KPNA3: variants seen among roughly 807,000 people sequenced by gnomAD.
The protein encoded by KPNA3 is karyopherin subunit alpha 3, also known as importin subunit alpha-4.
In KPNA3, 13 loss-of-function variants were observed where a neutral mutation model predicts 73.8. The ratio of observed to expected loss-of-function variants is 0.18; its 90% CI spans 0.11 to 0.28. The LOEUF (loss-of-function observed/expected upper bound fraction) is 0.28. Ranked by LOEUF, KPNA3 falls within the 10% of genes least tolerant of loss-of-function variation. The pLI is 1.00. For missense variants in KPNA3, 360 were observed against 618.1 expected (o/e 0.58, Z 4.43); for synonymous variants, 186 against 206.9 (o/e 0.90, Z 0.87).
At chr13:49,712,591 A>G (rs1490115778) in intron 10 of KPNA3, among the ~76,000 whole-genome samples, 1 of 152,116 alleles carries the variant, frequency 6.6e-6, no homozygotes, top group African/African-American at 2.4e-5. Flanking sequence ...CCTACAAGGA[A>G]AGGCGGAGCT....
intron 16 of KPNA3, 95 bp from the exon 17 acceptor site, chr13:49,701,993 ATGT>A: frequency 1.3e-6 from 1 of 744,458 alleles, no homozygotes; most frequent in Non-Finnish European, 2.3e-6. Context: ...AAATAATTCT[ATGT>A]GAATGCTTTA....
chr13:49,763,415 A>G (rs1954784470), intron 1 of KPNA3, among the ~76,000 whole-genome samples: 2 of 152,166 alleles, frequency 1.3e-5, no homozygotes, highest in Admixed American at 6.5e-5. Context: ...AAGAAACATA[A>G]AGGATACAAT....
Position 49,732,594 on chromosome 13 carries a change from T to C in KPNA3, c.287+11A>G. The C allele has an allele frequency of 1.9e-6, 3 of 1,598,666 alleles. No homozygotes were observed. Among genetic ancestry groups the C allele is most frequent in the Non-Finnish European group, 2.6e-6 (3 of 1,167,400 alleles). ...TGACATAATTCTCTCTCTAGACAAA[T>C]TAGTATTTACCTTGCTGCCTGGACA... On this transcript the variant is annotated intron_variant, in intron 5 of 16. Transcript: ENST00000261667.
chr13:49,777,029 A>G (rs143065341), intron 1 of KPNA3, among the ~76,000 whole-genome samples: 1 of 152,278 alleles, frequency 6.6e-6, no homozygotes, highest in African/African-American at 2.4e-5. Flanking sequence ...CTGTAGCCCA[A>G]TACTTAGCCA....
At chr13:49,790,555 C>A (rs150152977) in intron 1 of KPNA3, among the ~76,000 whole-genome samples, 1 of 152,354 alleles carries the variant, frequency 6.6e-6, no homozygotes, top group Non-Finnish European at 1.5e-5. Flanking sequence ...AAGCTCGTAA[C>A]AGTGTCTGCC....
intron 2 of KPNA3, among the ~76,000 whole-genome samples, chr13:49,742,236 T>C: frequency 6.6e-6 from 1 of 152,242 alleles, no homozygotes; most frequent in Non-Finnish European, 1.5e-5. Context: ...AATAAATTCT[T>C]GCGTGTCAGA....
At chr13:49,731,837 A>G (rs1361383856) in intron 6 of KPNA3, among the ~76,000 whole-genome samples, 1 of 152,202 alleles carries the variant, frequency 6.6e-6, no homozygotes, top group Non-Finnish European at 1.5e-5. Flanking sequence ...TCTCCTGGGT[A>G]AATATAACCT....
At chr13:49,770,665 T>C (rs536787017) in intron 1 of KPNA3, among the ~76,000 whole-genome samples, 1 of 152,244 alleles carries the variant, frequency 6.6e-6, no homozygotes, top group East Asian at 1.9e-4. Context: ...AGTTTTTACA[T>C]GTATATCTTT....
chr13:49,722,830 T>TAAAA (rs10693298), intron 7 of KPNA3, among the ~76,000 whole-genome samples: 345 of 79,458 alleles, frequency 4.3e-3, no homozygotes, highest in Non-Finnish European at 5.6e-3. Flanking sequence ...TATAATCCAT[T>TAAAA]AAAAAAAAAA....
At chr13:49,730,699 ATGCTGGTG>A (rs1954458099) in intron 6 of KPNA3, among the ~76,000 whole-genome samples, 1 of 150,222 alleles carries the variant, frequency 6.7e-6, no homozygotes, top group Non-Finnish European at 1.5e-5. Flanking sequence ...TACATGTGCC[ATGCTGGTG>A]TGCTGCACCC....
At chr13:49,788,910 C>T (rs181676811) in intron 1 of KPNA3, among the ~76,000 whole-genome samples, 9 of 152,122 alleles carry the variant, frequency 5.9e-5, no homozygotes, top group Non-Finnish European at 1.3e-4. Context: ...ACCTTTACTC[C>T]CTTTCTCTTC....
At chr13:49,709,840 T>A in intron 11 of KPNA3, 140 bp from the exon 12 acceptor site, 2 of 586,082 alleles carry the variant, frequency 3.4e-6, no homozygotes, top group South Asian at 5.5e-5. Flanking sequence ...CCAAGCAGTC[T>A]GAGAGCTATT....
intron 2 of KPNA3, among the ~76,000 whole-genome samples, chr13:49,746,079 A>G (rs1192726486): frequency 1.3e-5 from 2 of 151,876 alleles, no homozygotes; most frequent in African/African-American, 4.8e-5. Flanking sequence ...AAAAAAAAAA[A>G]AAAAAGAAAC....
intron 1 of KPNA3, among the ~76,000 whole-genome samples, chr13:49,774,485 C>T (rs1954880613): frequency 6.6e-6 from 1 of 152,156 alleles, no homozygotes; most frequent in Non-Finnish European, 1.5e-5. Context: ...GCCTTTTAGA[C>T]AAGAGAGCTC....
At chr13:49,778,506 G>C (rs1954914797) in intron 1 of KPNA3, among the ~76,000 whole-genome samples, 1 of 152,136 alleles carries the variant, frequency 6.6e-6, no homozygotes, top group African/African-American at 2.4e-5. Context: ...ATTTGACTAA[G>C]GACTTTCTTT....
chr13:49,743,213 T>A (rs1179468799), intron 2 of KPNA3, among the ~76,000 whole-genome samples: 1 of 152,096 alleles, frequency 6.6e-6, no homozygotes, highest in Non-Finnish European at 1.5e-5. Context: ...GGGGACTAGC[T>A]CTCTTTTGTT....
At chr13:49,729,496 C>T (rs1954441298) in intron 6 of KPNA3, among the ~76,000 whole-genome samples, 1 of 152,022 alleles carries the variant, frequency 6.6e-6, no homozygotes, top group Admixed American at 6.6e-5. Context: ...AACAAATGGA[C>T]ATTTATGGCC....
chr13:49,742,059 G>T (rs1179191653), intron 2 of KPNA3, among the ~76,000 whole-genome samples: 1 of 152,042 alleles, frequency 6.6e-6, no homozygotes, highest in Non-Finnish European at 1.5e-5. Flanking sequence ...ATTTTGAGTT[G>T]ATTTTTGTAT....
chr13:49,705,518 A>C (rs1427220914), intron 15 of KPNA3, 103 bp downstream of exon 15: 3 of 1,162,458 alleles, frequency 2.6e-6, no homozygotes, highest in Non-Finnish European at 3.7e-6. Context: ...TCATTTAAAA[A>C]CAACGTATCC....
Sources: allele counts gnomAD v4.1 joint callset (sites outside exome capture counted in the v4.1 genomes callset), GRCh38; gene constraint gnomAD v4.1.1; transcripts MANE v1.5; gene names NCBI Gene and HGNC (gene_info 2026-07-23, HGNC 2026-07-21).